Variants in PLAAT2 observed in about 807,000 individuals in gnomAD.
PLAAT2 encodes the protein phospholipase A and acyltransferase 2.
Under a neutral mutation model 12.8 loss-of-function variants are expected in PLAAT2, and 12 were observed. That is an observed-to-expected ratio of 0.94 (90% confidence interval 0.60 to 1.52). The LOEUF is 1.52. PLAAT2 is among the 40% of genes most tolerant of loss of function. The probability of loss-of-function intolerance (pLI) is 0.00; values close to 1 mark genes in which losing one functional copy is unlikely to be tolerated. For synonymous variants in PLAAT2, 79 were observed against 86.8 expected (o/e 0.91, Z 0.50); for missense variants, 166 against 208.1 (o/e 0.80, Z 1.24).
intron 1 of PLAAT2, among the ~76,000 whole-genome samples, chr11:63,562,472 G>A (rs2017527322): frequency 6.6e-6 from 1 of 152,118 alleles, no homozygotes; most frequent in Admixed American, 6.5e-5. Flanking sequence ...TAGAGTTTCG[G>A]TTTTTCAGAC....
intron 3 of PLAAT2, among the ~76,000 whole-genome samples, chr11:63,554,642 A>G (rs1007776009): frequency 2.6e-5 from 4 of 151,760 alleles, no homozygotes; most frequent in Admixed American, 6.6e-5. Flanking sequence ...AAAAAAGAAA[A>G]AAAAAAAAAG....
At chr11:63,558,729 A>T in intron 2 of PLAAT2, 69 bp from the exon 3 acceptor site, 1 of 1,564,592 alleles carries the variant, frequency 6.4e-7, no homozygotes, top group Non-Finnish European at 8.7e-7. Flanking sequence ...AAGCAGCCTC[A>T]TCGCCCCGAG....
chr11:63,555,135 A>C (rs2017455232), intron 3 of PLAAT2, among the ~76,000 whole-genome samples: 1 of 152,200 alleles, frequency 6.6e-6, no homozygotes, highest in Non-Finnish European at 1.5e-5. Context: ...TATCAAAGTT[A>C]GGATTCTAAC....
chr11:63,559,794 A>G lies in PLAAT2; in HGVS notation c.118+291T>C, dbSNP rs2017501495. On this transcript the variant is annotated intron_variant, in intron 2 of 3. Coordinates refer to ENST00000255695, the MANE Select transcript of PLAAT2 (RefSeq NM_017878.2). Reference sequence around the variant, plus strand: ...GCTTCTTACTCTTGCTTGTACCTCCATAACAACAAATACATAGGAGATCCC... The same window carrying G: ...GCTTCTTACTCTTGCTTGTACCTCCGTAACAACAAATACATAGGAGATCCC... Among the ~76,000 whole-genome samples, 3 of 152,222 alleles carry G rather than the reference A, an allele frequency of 2.0e-5. No individual in the cohort carries two copies. In the South Asian group the frequency reaches 6.2e-4, roughly 32 times the overall value.
chr11:63,564,242 C>CA, upstream of PLAAT2, among the ~76,000 whole-genome samples: 1 of 152,094 alleles, frequency 6.6e-6, no homozygotes. Context: ...AAATGGAAAC[C>CA]AAAACCCAGT....
At chr11:63,558,767 G>T in intron 2 of PLAAT2, 107 bp from the exon 3 acceptor site, 1 of 1,361,518 alleles carries the variant, frequency 7.3e-7, no homozygotes, top group Non-Finnish European at 1.0e-6. Context: ...AGCTGTGGAA[G>T]GACTTGTCCA....
chr11:63,563,578 G>C (rs2017537694), upstream of PLAAT2, among the ~76,000 whole-genome samples: 1 of 149,122 alleles, frequency 6.7e-6, no homozygotes, highest in African/African-American at 2.5e-5. Context: ...AATTAGCTGG[G>C]CATGGTGGTG....
intron 3 of PLAAT2, among the ~76,000 whole-genome samples, chr11:63,556,440 G>T (rs1431582636): frequency 6.6e-6 from 1 of 152,030 alleles, no homozygotes; most frequent in African/African-American, 2.4e-5. Flanking sequence ...GCCTATAGAA[G>T]AGCTTTTAGA....
intron 3 of PLAAT2, among the ~76,000 whole-genome samples, chr11:63,555,613 G>T (rs908648486): frequency 2.6e-5 from 4 of 152,182 alleles, no homozygotes; most frequent in African/African-American, 7.2e-5. Flanking sequence ...GATCCCCTGA[G>T]CCCAGGAAGG....
upstream of PLAAT2, among the ~76,000 whole-genome samples, chr11:63,563,701 G>GTCTA (rs2017539290): frequency 6.9e-6 from 1 of 144,618 alleles, no homozygotes; most frequent in Admixed American, 7.3e-5. Flanking sequence ...CTGGGCGGCA[G>GTCTA]GGCGAGACTC....
rs1166889214 is a variant in PLAAT2, at chr11:63,558,374, T to C, written c.387+18A>G. 5.6e-6 allele frequency: 9 copies of C among 1,610,158 alleles called. No individual in the cohort carries two copies. The highest frequency in any genetic ancestry group is 7.6e-6 in the Non-Finnish European group (9 of 1,177,104). On this transcript the variant is annotated intron_variant, in intron 3 of 3. Coordinates refer to ENST00000255695, the MANE Select transcript of PLAAT2 (RefSeq NM_017878.2). The stretch of plus-strand genomic sequence containing the variant: ...AGTGGCCTGGCTCCTGGGAAGGGGA[T>C]GCAGGCTGAAGATGCACCTGGTCAC...
Position 63,558,311 on chromosome 11 carries a change from C to G in PLAAT2, c.387+81G>C, listed in dbSNP as rs528540614. ...TGCTCATGTCTATTTCCATCCCACC[C>G]TGGCCCCAGCAGGGACCCAGCCTCT... On this transcript the variant is annotated intron_variant, in intron 3 of 3. Transcript: ENST00000255695. 4 of 1,505,276 alleles carry G rather than the reference C, an allele frequency of 2.7e-6. No individual in the cohort carries two copies. The South Asian group carries it at 4.8e-5, about 18-fold the overall frequency. The allele number at this position is 1,505,276 out of a possible 1,614,324, so 93.2% of individuals were successfully genotyped here. A position where few individuals can be genotyped will look rare whatever the true frequency, so the allele number is the denominator to read the frequency against.
chr11:63,556,701 C>T (rs1331327041), intron 3 of PLAAT2, among the ~76,000 whole-genome samples: 3 of 152,142 alleles, frequency 2.0e-5, no homozygotes, highest in Non-Finnish European at 2.9e-5. Flanking sequence ...TTTTTATCAC[C>T]TCTCCTTCTC....
At position 63,552,886 on chromosome 11, in the gene PLAAT2, G is replaced by A. The variant is rs2017429463; in HGVS notation, c.*78C>T. 1.1e-6 allele frequency: 1 copy of A among 947,876 alleles called. No individual in the cohort carries two copies. The highest frequency in any genetic ancestry group is 1.7e-6 in the Non-Finnish European group (1 of 588,332). The allele number at this position is 947,876 out of a possible 1,614,324, so 58.7% of individuals were successfully genotyped here. On this transcript the variant is annotated 3_prime_UTR_variant, in exon 4 of 4. Coordinates refer to ENST00000255695, the MANE Select transcript of PLAAT2 (RefSeq NM_017878.2). ...TCATGAACACAAAACAGTAAAATCA[G>A]TAAACCAAACTCCACTCCTGCTGGC...
At position 63,558,642 on chromosome 11, in the gene PLAAT2, C is replaced by A; in HGVS notation, c.137G>T (p.Gly46Val). The change falls in exon 3 of 4, where the codon GGT (glycine) becomes GTT (valine). Residue 46 changes from glycine (G) to valine (V), a missense_variant. By Grantham distance (109) the Gly-to-Val change is moderately radical. Transcript: ENST00000255695. ...CAGGGCAGACAGGACACTGGCCGCA[C>A]CAGCTCCAGCAATTTCACCTGTGCA... The part of the protein sequence containing the change: ...LAPASEIAGA[G>V]AASVLSALTN... The A allele has an allele frequency of 6.2e-7, 1 of 1,614,220 alleles. No homozygotes were observed. The highest frequency in any genetic ancestry group is 8.5e-7 in the Non-Finnish European group (1 of 1,180,044).
chr11:63,562,627 TC>T (rs2017528925), intron 1 of PLAAT2, among the ~76,000 whole-genome samples: 1 of 152,196 alleles, frequency 6.6e-6, no homozygotes, highest in Non-Finnish European at 1.5e-5. Context: ...AGTATATCAT[TC>T]CTCCTATCCA....
chr11:63,560,708 C>A (rs2017511394), intron 1 of PLAAT2, among the ~76,000 whole-genome samples: 1 of 152,190 alleles, frequency 6.6e-6, no homozygotes, highest in Non-Finnish European at 1.5e-5. Flanking sequence ...ACTATCATTA[C>A]CCCCACTTGA....
intron 3 of PLAAT2, among the ~76,000 whole-genome samples, chr11:63,555,393 A>G (rs1002967537): frequency 6.6e-6 from 1 of 152,256 alleles, no homozygotes; most frequent in African/African-American, 2.4e-5. Flanking sequence ...CTTACATTGC[A>G]TTGAGTATTA....
Position 63,558,578 on chromosome 11 carries a change from C to G in PLAAT2, c.201G>C (p.Val67=), listed in dbSNP as rs957660447. Residue 67 remains valine (V), a synonymous_variant, in exon 3 of 4, where the codon GTG becomes GTC. Coordinates refer to ENST00000255695, the MANE Select transcript of PLAAT2 (RefSeq NM_017878.2). ...CCCTGTAGTTGTCTCCCCCAGCCAC[C>G]ACAGACAGCAGTTCCTTCTTCACTA... ...KAIVKKELLS[V]VAGGDNYRVN... 3 of 1,614,082 alleles carry G rather than the reference C, an allele frequency of 1.9e-6. No individual in the cohort carries two copies. The highest frequency in any genetic ancestry group is 2.7e-5 in the African/African-American group (2 of 74,930).
Sources: gnomAD v4.1 joint callset for allele counts (sites outside exome capture counted in the v4.1 genomes callset) on GRCh38, gnomAD v4.1.1 for gene constraint, MANE v1.5 for transcripts, NCBI Gene and HGNC (gene_info 2026-07-23, HGNC 2026-07-21) for gene names.